NGEF: variants seen among roughly 807,000 people sequenced by gnomAD.
NGEF encodes neuronal guanine nucleotide exchange factor, also known as ephexin-1.
In NGEF, 31 loss-of-function variants were observed where a neutral mutation model predicts 80.9. The observed-to-expected ratio is 0.38, with a 90% CI of 0.29 to 0.52. NGEF has a LOEUF of 0.52. Ranked by LOEUF, NGEF falls within the 20% of genes least tolerant of loss-of-function variation. NGEF has a pLI of 0.84. For missense variants in NGEF, 709 were observed against 926.2 expected (o/e 0.77, Z 3.04); for synonymous variants, 371 against 370.2 (o/e 1.00, Z -0.03).
At chr2:232,885,632 C>A in intron 9 of NGEF, 1 of 487,960 alleles carries the variant, frequency 2.0e-6, no homozygotes. Context: ...CCAGAAAACA[C>A]ATGCGTGAGG....
chr2:232,903,238 A>T (rs1692406910), intron 5 of NGEF, among the ~76,000 whole-genome samples: 1 of 152,210 alleles, frequency 6.6e-6, no homozygotes, highest in African/African-American at 2.4e-5. Flanking sequence ...CATGAGTATA[A>T]ATAATGCTGC....
intron 1 of NGEF, among the ~76,000 whole-genome samples, chr2:233,001,973 C>G (rs939303634): frequency 3.3e-5 from 5 of 152,078 alleles, no homozygotes; most frequent in African/African-American, 1.2e-4. Flanking sequence ...CATTGCACTC[C>G]AGCCTGGGCA....
At chr2:232,909,579 T>C (rs569414772) in intron 5 of NGEF, among the ~76,000 whole-genome samples, 2 of 152,338 alleles carry the variant, frequency 1.3e-5, no homozygotes, top group African/African-American at 4.8e-5. Flanking sequence ...AAAATTATCA[T>C]GCAGTAAAAA....
Position 232,879,093 on chromosome 2 carries a change from G to A in NGEF, c.*396C>T. ...CCAAGGTAGAGGAGGACGCGTGCAG[G>A]AAATCGTGTCAATTGTCACCTTCTG... On this transcript the variant is annotated 3_prime_UTR_variant, in exon 15 of 15. Coordinates refer to ENST00000264051, the MANE Select transcript of NGEF (RefSeq NM_019850.3). 6.0e-6 allele frequency: 1 copy of A among 167,566 alleles called. No individual in the cohort carries two copies. The highest frequency in any genetic ancestry group is 1.3e-5 in the Non-Finnish European group (1 of 77,752). 10.4% of individuals were successfully genotyped at this position (167,566 alleles called of 1,614,324 possible). A position where few individuals can be genotyped will look rare whatever the true frequency, so the allele number is the denominator to read the frequency against.
At position 232,920,605 on chromosome 2, in the gene NGEF, A is replaced by G. The variant is rs1236044369; in HGVS notation, c.527-20T>C. 2.0e-6 allele frequency: 3 copies of G among 1,509,196 alleles called. No homozygotes were observed. Among genetic ancestry groups the G allele is most frequent in the Non-Finnish European group, 2.7e-6 (3 of 1,128,724 alleles). 93.5% of individuals were successfully genotyped at this position (1,509,196 alleles called of 1,614,324 possible). A position where few individuals can be genotyped will look rare whatever the true frequency, so the allele number is the denominator to read the frequency against. ...GGAGCCCTGAAATCAAAGAGTTGTA[A>G]AAAAGAAAAGGAAAAGATCTCAGAT... On this transcript the variant is annotated intron_variant, in intron 4 of 14. Transcript: ENST00000264051.
intron 1 of NGEF, among the ~76,000 whole-genome samples, chr2:232,987,925 A>G (rs1001105189): frequency 1.3e-5 from 2 of 152,128 alleles, no homozygotes; most frequent in Admixed American, 6.5e-5. Flanking sequence ...GACTGCCCAC[A>G]TGGCCACTGG....
At chr2:232,951,949 T>G (rs1371419057) in intron 3 of NGEF, among the ~76,000 whole-genome samples, 1 of 152,146 alleles carries the variant, frequency 6.6e-6, no homozygotes, top group Non-Finnish European at 1.5e-5. Context: ...GTGGAGACGT[T>G]TCTGCCACAG....
intron 3 of NGEF, among the ~76,000 whole-genome samples, chr2:232,950,846 A>G (rs1264616165): frequency 1.3e-5 from 2 of 151,442 alleles, no homozygotes; most frequent in Non-Finnish European, 2.9e-5. Flanking sequence ...CTTTTTCGCT[A>G]ACATATGGTT....
intron 5 of NGEF, among the ~76,000 whole-genome samples, chr2:232,912,476 T>C (rs374009683): frequency 5.9e-5 from 9 of 152,242 alleles, no homozygotes; most frequent in African/African-American, 1.9e-4. Context: ...TGTAGTTTAC[T>C]ATTCTTATAC....
chr2:232,917,450 C>T (rs1035506317), intron 5 of NGEF, among the ~76,000 whole-genome samples: 2 of 150,974 alleles, frequency 1.3e-5, no homozygotes, highest in Admixed American at 6.6e-5. Flanking sequence ...AGAGGAGTTA[C>T]GTATTTAATT....
intron 5 of NGEF, among the ~76,000 whole-genome samples, chr2:232,908,111 A>C (rs544810415): frequency 6.6e-6 from 1 of 152,280 alleles, no homozygotes; most frequent in African/African-American, 2.4e-5. Context: ...CTCTGTCACA[A>C]AAAAAATAAA....
At chr2:232,981,774 G>A (rs926366619) in intron 1 of NGEF, among the ~76,000 whole-genome samples, 2 of 152,118 alleles carry the variant, frequency 1.3e-5, no homozygotes, top group African/African-American at 2.4e-5. Flanking sequence ...CCCATCTCCC[G>A]CACAGCTGGC....
At chr2:232,991,849 C>A (rs1015278552) in intron 1 of NGEF, among the ~76,000 whole-genome samples, 3 of 152,172 alleles carry the variant, frequency 2.0e-5, no homozygotes, top group African/African-American at 7.2e-5. Context: ...CAACAGTAAT[C>A]AAGACAGTGT....
rs1039929419 is a variant in NGEF at position 232,905,305 on chromosome 2, T to G, written c.829-10389A>C. 7.2e-5 allele frequency among the ~76,000 whole-genome samples: 11 copies of G among 152,378 alleles called. No individual in the cohort carries two copies. In the East Asian group the frequency reaches 2.1e-3, roughly 29 times the overall value. ...TTTTGGTGGAAACGGGGTTTCGCTG[T>G]GTTGGCCGGGCTGGTCTCCAGCTCC... On this transcript the variant is annotated intron_variant, in intron 5 of 14. Coordinates refer to ENST00000264051, the MANE Select transcript of NGEF (RefSeq NM_019850.3).
At chr2:232,976,281 T>G (rs938570) in intron 1 of NGEF, among the ~76,000 whole-genome samples, 1 of 151,834 alleles carries the variant, frequency 6.6e-6, no homozygotes, top group Admixed American at 6.6e-5. Context: ...TCATCAGGAG[T>G]GTTTGTCTGT....
Position 232,894,689 on chromosome 2 carries a change from G to A in NGEF, c.989+67C>T. 4 of 1,404,546 alleles carry A rather than the reference G, an allele frequency of 2.8e-6. No homozygotes were observed. In the South Asian group the frequency reaches 6.5e-5, roughly 23 times the overall value. The allele number at this position is 1,404,546 out of a possible 1,614,324, so 87.0% of individuals were successfully genotyped here. ...CCAGTATCGAGCACTTGTCATCAGTGTCTCAAGCATGTGCCCTGGGGATGA... is the reference window on the plus strand; with the variant it reads ...CCAGTATCGAGCACTTGTCATCAGTATCTCAAGCATGTGCCCTGGGGATGA... On this transcript the variant is annotated intron_variant, in intron 6 of 14. Transcript: ENST00000264051.
chr2:232,975,711 A>AC (rs1394703395), intron 1 of NGEF, among the ~76,000 whole-genome samples: 1 of 152,066 alleles, frequency 6.6e-6, no homozygotes, highest in Non-Finnish European at 1.5e-5. Context: ...GACTATGTGG[A>AC]CCCTCTTAGT....
chr2:232,952,153 C>T (rs1693691556), intron 3 of NGEF, among the ~76,000 whole-genome samples: 1 of 152,190 alleles, frequency 6.6e-6, no homozygotes, highest in African/African-American at 2.4e-5. Flanking sequence ...TATGTACTCG[C>T]CCTGCATGGT....
intron 3 of NGEF, among the ~76,000 whole-genome samples, chr2:232,963,155 A>T (rs966337647): frequency 6.6e-6 from 1 of 152,014 alleles, no homozygotes; most frequent in Non-Finnish European, 1.5e-5. Context: ...ATTAAGCATA[A>T]AGCAACAGTA....
Sources: gnomAD v4.1 joint callset for allele counts (sites outside exome capture counted in the v4.1 genomes callset) on GRCh38, gnomAD v4.1.1 for gene constraint, MANE v1.5 for transcripts, NCBI Gene and HGNC (gene_info 2026-07-23, HGNC 2026-07-21) for gene names.